Variants in GRM5 observed in about 807,000 individuals in gnomAD.
GRM5 encodes the protein glutamate metabotropic receptor 5, also known as metabotropic glutamate receptor 5.
A neutral mutation model predicts 83.1 loss-of-function variants in GRM5; 19 were observed. The observed-to-expected ratio is 0.23, with a 90% CI of 0.16 to 0.34. The LOEUF is 0.34. Ranked by LOEUF, GRM5 falls within the 10% of genes least tolerant of loss-of-function variation. The pLI is 1.00. For synonymous variants in GRM5, 675 were observed against 633.6 expected (o/e 1.07, Z -0.98); for missense variants, 1,160 against 1,588.3 (o/e 0.73, Z 4.58).
At chr11:89,006,091 A>G (rs1468572558) in intron 2 of GRM5, among the ~76,000 whole-genome samples, 3 of 152,218 alleles carry the variant, frequency 2.0e-5, no homozygotes, top group East Asian at 1.9e-4. Context: ...ATGAAAAGTT[A>G]TAACATGTAA....
intron 3 of GRM5, among the ~76,000 whole-genome samples, chr11:88,744,953 C>T (rs1565211113): frequency 6.6e-6 from 1 of 152,080 alleles, no homozygotes; most frequent in African/African-American, 2.4e-5. Flanking sequence ...AAAATGATGA[C>T]TGACATTGAT....
intron 4 of GRM5, among the ~76,000 whole-genome samples, chr11:88,650,427 C>T (rs1275963382): frequency 6.6e-6 from 1 of 151,842 alleles, no homozygotes; most frequent in Non-Finnish European, 1.5e-5. Context: ...TACCAGCTTT[C>T]CAAAAACATG....
intron 2 of GRM5, among the ~76,000 whole-genome samples, chr11:89,031,287 T>C (rs1434832903): frequency 3.3e-5 from 5 of 151,980 alleles, no homozygotes; most frequent in African/African-American, 4.8e-5. Flanking sequence ...ATTGCTATTA[T>C]AAGTAATAAA....
chr11:88,817,731 A>G lies in GRM5; in HGVS notation c.911+32175T>C, dbSNP rs971020510. Among the ~76,000 whole-genome samples the G allele has an allele frequency of 2.6e-5, 4 of 152,136 alleles. No homozygotes were observed. The South Asian group carries it at 8.3e-4, about 31-fold the overall frequency. ...GCTAACATTGTGGTAGCCAGGTACTAAGTCCTTTAAATATCTTTTCTGTTT... is the reference window on the plus strand; with the variant it reads ...GCTAACATTGTGGTAGCCAGGTACTGAGTCCTTTAAATATCTTTTCTGTTT... On this transcript the variant is annotated intron_variant, in intron 3 of 9. Coordinates refer to ENST00000305447, the MANE Select transcript of GRM5 (RefSeq NM_001143831.3).
At chr11:88,749,443 T>G (rs2079228648) in intron 3 of GRM5, among the ~76,000 whole-genome samples, 1 of 152,092 alleles carries the variant, frequency 6.6e-6, no homozygotes, top group Admixed American at 6.6e-5. Context: ...TGGGATTATG[T>G]AAAAAGACTA....
intron 3 of GRM5, among the ~76,000 whole-genome samples, chr11:88,674,561 G>T (rs1565181610): frequency 6.6e-6 from 1 of 151,744 alleles, no homozygotes. Flanking sequence ...TGCCCTTTCT[G>T]CCATATATCT....
chr11:88,793,811 G>GA (rs1261895052), intron 3 of GRM5, among the ~76,000 whole-genome samples: 1 of 151,640 alleles, frequency 6.6e-6, no homozygotes, highest in Admixed American at 6.6e-5. Context: ...AGAGAAGACT[G>GA]TTTTTTTTGT....
intron 5 of GRM5, 26 bp from the exon 6 acceptor site, chr11:88,597,378 T>C (rs1198697891): frequency 7.9e-7 from 1 of 1,258,210 alleles, no homozygotes; most frequent in Non-Finnish European, 1.1e-6. Context: ...ATGATAATTA[T>C]GCAGCTTAAG....
At chr11:89,054,474 A>G (rs1941829744) in intron 1 of GRM5, among the ~76,000 whole-genome samples, 1 of 152,224 alleles carries the variant, frequency 6.6e-6, no homozygotes, top group East Asian at 1.9e-4. Context: ...TTGAATGAGC[A>G]GGCAGATGTA....
At chr11:88,773,940 T>C (rs147862109) in intron 3 of GRM5, among the ~76,000 whole-genome samples, 108 of 152,316 alleles carry the variant, frequency 7.1e-4, no homozygotes, top group African/African-American at 2.5e-3. Flanking sequence ...TGAAGGCTCT[T>C]TTTTGGTTCC....
intron 3 of GRM5, among the ~76,000 whole-genome samples, chr11:88,710,497 A>C (rs967576925): frequency 6.6e-6 from 1 of 152,078 alleles, no homozygotes. Flanking sequence ...TTTTTAAGCA[A>C]GTCACTTAAG....
At chr11:88,600,087 A>G (rs1937936488) in intron 5 of GRM5, among the ~76,000 whole-genome samples, 1 of 152,190 alleles carries the variant, frequency 6.6e-6, no homozygotes, top group Non-Finnish European at 1.5e-5. Flanking sequence ...TCCAACTTGC[A>G]CATATTCAGT....
intron 2 of GRM5, among the ~76,000 whole-genome samples, chr11:88,983,555 C>T (rs1295983605): frequency 1.3e-5 from 2 of 152,128 alleles, no homozygotes; most frequent in African/African-American, 4.8e-5. Flanking sequence ...CTGCCAGTCT[C>T]ACAAAAGTCT....
At chr11:88,761,593 A>C (rs1591495658) in intron 3 of GRM5, among the ~76,000 whole-genome samples, 1 of 152,210 alleles carries the variant, frequency 6.6e-6, no homozygotes, top group South Asian at 2.1e-4. Context: ...TTGATGAATA[A>C]GAAGAATCAA....
At chr11:88,843,811 T>C (rs1288121336) in intron 3 of GRM5, among the ~76,000 whole-genome samples, 4 of 152,218 alleles carry the variant, frequency 2.6e-5, no homozygotes, top group African/African-American at 9.6e-5. Context: ...GTTTTCATGG[T>C]CTTGATAGAA....
chr11:88,589,202 A>T (rs72639173), intron 7 of GRM5, among the ~76,000 whole-genome samples: 1,584 of 151,178 alleles, frequency 0.01, 59 homozygotes, highest in East Asian at 0.099. Context: ...CAAGAAAACC[A>T]ATCATAGTAT....
intron 9 of GRM5, among the ~76,000 whole-genome samples, chr11:88,517,458 C>T (rs966239392): frequency 1.3e-5 from 2 of 152,068 alleles, no homozygotes; most frequent in Non-Finnish European, 2.9e-5. Flanking sequence ...TAATAAATAA[C>T]ATTTGTGTTG....
At chr11:88,800,219 G>A (rs1009754045) in intron 3 of GRM5, among the ~76,000 whole-genome samples, 1 of 152,074 alleles carries the variant, frequency 6.6e-6, no homozygotes, top group African/African-American at 2.4e-5. Context: ...TGCCAAAGTT[G>A]CTCTAAAAAT....
At chr11:88,991,461 C>A (rs969324636) in intron 2 of GRM5, among the ~76,000 whole-genome samples, 3 of 151,916 alleles carry the variant, frequency 2.0e-5, no homozygotes, top group African/African-American at 4.8e-5. Context: ...AGATTCAATG[C>A]CATCCCCATC....
Sources: allele counts gnomAD v4.1 joint callset (sites outside exome capture counted in the v4.1 genomes callset), GRCh38; gene constraint gnomAD v4.1.1; transcripts MANE v1.5; gene names NCBI Gene and HGNC (gene_info 2026-07-23, HGNC 2026-07-21).